PARP4: variants seen among roughly 807,000 people sequenced by gnomAD.
PARP4 encodes the protein poly(ADP-ribose) polymerase family member 4, also known as protein mono-ADP-ribosyltransferase PARP4.
Under a neutral mutation model 187.7 loss-of-function variants are expected in PARP4, and 120 were observed. The observed-to-expected ratio is 0.64, with a 90% CI of 0.55 to 0.74. The LOEUF (loss-of-function observed/expected upper bound fraction) is 0.74, where lower values mean the gene tolerates loss of function less well. Among genes scored for constraint, PARP4 ranks in the 30% least tolerant of loss-of-function variants. The probability of loss-of-function intolerance (pLI) is 0.00; values close to 1 mark genes in which losing one functional copy is unlikely to be tolerated. For synonymous variants in PARP4, 654 were observed against 740.9 expected, an observed-to-expected ratio of 0.88 and a Z score of 1.90; for missense variants, 1,836 against 2,070.5, an observed-to-expected ratio of 0.89 and a Z score of 2.20.
intron 1 of PARP4, among the ~76,000 whole-genome samples, chr13:24,506,372 A>C (rs1021311064): frequency 1.3e-5 from 2 of 152,078 alleles, no homozygotes; most frequent in Non-Finnish European, 2.9e-5. Context: ...AGGAGTGAAA[A>C]ACAAAGCTTC....
At chr13:24,458,096 C>A (rs112603926) in intron 20 of PARP4, among the ~76,000 whole-genome samples, 8 of 151,656 alleles carry the variant, frequency 5.3e-5, no homozygotes, top group African/African-American at 1.7e-4. Flanking sequence ...CATGGTGAGA[C>A]CCTGTCTCTA....
In PARP4 at chr13:24,490,651, A is replaced by G; in HGVS notation, c.1214+17T>C. Reference sequence around the variant, plus strand: ...ATTATATTATAACAGATCCTGAGATATTTCCTTTATGCTTACCTGTGATGA... The same window carrying G: ...ATTATATTATAACAGATCCTGAGATGTTTCCTTTATGCTTACCTGTGATGA... On this transcript the variant is annotated intron_variant, in intron 10 of 33. Coordinates refer to ENST00000381989, the MANE Select transcript of PARP4 (RefSeq NM_006437.4). 1.3e-6 allele frequency: 2 copies of G among 1,594,478 alleles called. No individual in the cohort carries two copies. Among genetic ancestry groups the G allele is most frequent in the Non-Finnish European group, 1.7e-6 (2 of 1,163,456 alleles).
At chr13:24,440,801 A>T (rs1187805440) in intron 30 of PARP4, among the ~76,000 whole-genome samples, 4 of 152,232 alleles carry the variant, frequency 2.6e-5, no homozygotes, top group African/African-American at 4.8e-5. Flanking sequence ...TGACAGAGTT[A>T]AAAAATAAAA....
At chr13:24,490,553 G>T in intron 10 of PARP4, 115 bp downstream of exon 10, 1 of 827,192 alleles carries the variant, frequency 1.2e-6, no homozygotes, top group Non-Finnish European at 2.0e-6. Flanking sequence ...TCACACCACC[G>T]CTACTGTGGC....
chr13:24,453,711 T>A, intron 22 of PARP4, 57 bp from the exon 23 acceptor site: 1 of 890,522 alleles, frequency 1.1e-6, no homozygotes, highest in Non-Finnish European at 1.9e-6. Flanking sequence ...GCTTGAGCAC[T>A]AACAAACAAT....
intron 17 of PARP4, among the ~76,000 whole-genome samples, chr13:24,464,934 A>G (rs557026167): frequency 6.6e-6 from 1 of 152,320 alleles, no homozygotes; most frequent in Admixed American, 6.5e-5. Flanking sequence ...CAAGGAACTT[A>G]AACAAATTTA....
intron 1 of PARP4, among the ~76,000 whole-genome samples, chr13:24,508,165 G>A (rs1265805830): frequency 6.7e-6 from 1 of 148,526 alleles, no homozygotes. Flanking sequence ...CGTAATCTCT[G>A]ACAATTAAAA....
At chr13:24,435,916 CAAAAAA>C (rs56254149) in intron 30 of PARP4, among the ~76,000 whole-genome samples, 2 of 87,932 alleles carry the variant, frequency 2.3e-5, no homozygotes, top group African/African-American at 4.5e-5. Context: ...TATTCTGTCT[CAAAAAA>C]AAAAAAAAAA....
chr13:24,446,572 A>G, intron 27 of PARP4, 109 bp downstream of exon 27: 1 of 731,286 alleles, frequency 1.4e-6, no homozygotes, highest in Non-Finnish European at 2.4e-6. Flanking sequence ...CTGCATTCAA[A>G]GCTGCCCTGG....
At chr13:24,503,858 G>T in intron 1 of PARP4, 81 bp from the exon 2 acceptor site, 2 of 1,196,228 alleles carry the variant, frequency 1.7e-6, no homozygotes, top group South Asian at 1.3e-5. Context: ...AGCAAACTGT[G>T]GGAAAATTGG....
intron 17 of PARP4, among the ~76,000 whole-genome samples, chr13:24,463,835 T>C (rs1872324905): frequency 6.6e-6 from 1 of 152,104 alleles, no homozygotes; most frequent in South Asian, 2.1e-4. Flanking sequence ...GTTATTTGAA[T>C]AGGAAGAGAG....
chr13:24,496,519 G>A (rs148693625), intron 6 of PARP4, among the ~76,000 whole-genome samples: 4 of 152,284 alleles, frequency 2.6e-5, no homozygotes, highest in Admixed American at 6.5e-5. Context: ...TCCCTTGAGG[G>A]CATCTGGAAC....
intron 17 of PARP4, among the ~76,000 whole-genome samples, chr13:24,460,405 G>A (rs1054511733): frequency 2.0e-5 from 3 of 152,176 alleles, no homozygotes; most frequent in African/African-American, 7.2e-5. Context: ...CATGGACTCT[G>A]CCCCAGGGGG....
At chr13:24,454,856 G>A (rs181928013) in intron 22 of PARP4, among the ~76,000 whole-genome samples, 161 bp downstream of exon 22, 16 of 152,140 alleles carry the variant, frequency 1.1e-4, no homozygotes, top group Admixed American at 2.0e-4. Flanking sequence ...AGCTGGAACC[G>A]GGACCTAGGG....
At chr13:24,435,916 CAAAAAAAA>C (rs56254149) in intron 30 of PARP4, among the ~76,000 whole-genome samples, 1 of 87,932 alleles carries the variant, frequency 1.1e-5, no homozygotes, top group Non-Finnish European at 2.3e-5. Context: ...TATTCTGTCT[CAAAAAAAA>C]AAAAAAAAAA....
chr13:24,446,679 ACAGTTC>A lies in PARP4; in HGVS notation c.3362_3366+1del. 1 of 1,548,452 alleles carries A rather than the reference ACAGTTC, an allele frequency of 6.5e-7. No homozygotes were observed. The highest frequency in any genetic ancestry group is 8.9e-7 in the Non-Finnish European group (1 of 1,120,006). On this transcript the variant is annotated splice_donor_variant and coding_sequence_variant, in exon 27 of 34. Transcript: ENST00000381989. LOFTEE classifies it high-confidence loss of function. ...GTTGATAGTTTAGGTTTTGAATCTT[ACAGTTC>A]CAGTTGTCTTCTGAAGCTCAGTAGT...
At chr13:24,503,954 T>C (rs558712932) in intron 1 of PARP4, among the ~76,000 whole-genome samples, 177 bp from the exon 2 acceptor site, 2 of 152,304 alleles carry the variant, frequency 1.3e-5, no homozygotes, top group South Asian at 4.1e-4. Flanking sequence ...AATATGTGTG[T>C]TGGTTTAAGA....
chr13:24,424,043 T>C (rs1359960383), intron 33 of PARP4, among the ~76,000 whole-genome samples: 1 of 152,144 alleles, frequency 6.6e-6, no homozygotes, highest in Non-Finnish European at 1.5e-5. Flanking sequence ...CTTCTGGGCT[T>C]GATCTTGGTG....
At chr13:24,431,246 A>T in intron 32 of PARP4, 131 bp downstream of exon 32, 2 of 580,530 alleles carry the variant, frequency 3.4e-6, no homozygotes, top group Non-Finnish European at 6.0e-6. Context: ...GTTAAATATA[A>T]TTCCATTCGA....
Sources: gnomAD v4.1 joint callset for allele counts (sites outside exome capture counted in the v4.1 genomes callset) on GRCh38, gnomAD v4.1.1 for gene constraint, MANE v1.5 for transcripts, NCBI Gene and HGNC (gene_info 2026-07-23, HGNC 2026-07-21) for gene names.